Variants in FMNL2 observed in about 807,000 individuals in gnomAD.
FMNL2 encodes formin-like protein 2.
Under a neutral mutation model 130.2 loss-of-function variants are expected in FMNL2, and 51 were observed. The observed-to-expected ratio is 0.39, with a 90% CI of 0.31 to 0.49. The LOEUF (loss-of-function observed/expected upper bound fraction) is 0.49. Among genes scored for constraint, FMNL2 ranks in the 20% least tolerant of loss-of-function variants. The probability of loss-of-function intolerance (pLI) is 0.85; values close to 1 mark genes in which losing one functional copy is unlikely to be tolerated. For synonymous variants in FMNL2, 465 were observed against 467.1 expected, an observed-to-expected ratio of 1.00 and a Z score of 0.06; for missense variants, 977 against 1,316.2, an observed-to-expected ratio of 0.74 and a Z score of 3.99.
intron 1 of FMNL2, among the ~76,000 whole-genome samples, chr2:152,512,256 T>A (rs942277438): frequency 2.6e-5 from 4 of 152,348 alleles, no homozygotes; most frequent in Non-Finnish European, 4.4e-5. Context: ...AGACCTCTAA[T>A]GAAAATCAGA....
chr2:152,586,238 G>C (rs759851037), intron 9 of FMNL2, among the ~76,000 whole-genome samples: 1 of 152,194 alleles, frequency 6.6e-6, no homozygotes, highest in African/African-American at 2.4e-5. Flanking sequence ...TGTTGAATGA[G>C]TCACTCGAGG....
chr2:152,466,878 C>T (rs1689574686), intron 1 of FMNL2, among the ~76,000 whole-genome samples: 1 of 152,148 alleles, frequency 6.6e-6, no homozygotes. Context: ...TCATGTCTTT[C>T]TATGGATTTT....
At position 152,648,603 on chromosome 2, in the gene FMNL2, G is replaced by T. The variant is rs185045831; in HGVS notation, c.*698G>T. The T allele has an allele frequency of 1.3e-5, 2 of 152,550 alleles. No homozygotes were observed. The highest frequency in any genetic ancestry group is 2.9e-5 in the Non-Finnish European group (2 of 68,018). 9.4% of individuals were successfully genotyped at this position (152,550 alleles called of 1,614,324 possible). ...AGCTAGAGGCAGCTTTTTAAATAAT[G>T]CAAGTGTATTTATTAGCATTAAAAT... On this transcript the variant is annotated 3_prime_UTR_variant, in exon 26 of 26. Transcript: ENST00000288670.
intron 1 of FMNL2, among the ~76,000 whole-genome samples, chr2:152,384,107 T>G (rs1684650771): frequency 6.6e-6 from 1 of 152,218 alleles, no homozygotes; most frequent in African/African-American, 2.4e-5. Context: ...TGTATATTTA[T>G]CTTTTTAAGT....
At chr2:152,551,448 G>T (rs76723059) in intron 4 of FMNL2, among the ~76,000 whole-genome samples, 1 of 152,202 alleles carries the variant, frequency 6.6e-6, no homozygotes, top group Admixed American at 6.5e-5. Context: ...GAGATGCATT[G>T]TCTGATTATA....
At chr2:152,641,015 A>G (rs1045228183) in intron 25 of FMNL2, 101 bp downstream of exon 25, 1 of 1,492,232 alleles carries the variant, frequency 6.7e-7, no homozygotes, top group South Asian at 1.2e-5. Flanking sequence ...AGGGTTGTCA[A>G]GTTCATTAGT....
At chr2:152,523,308 A>G (rs1693206279) in intron 2 of FMNL2, among the ~76,000 whole-genome samples, 1 of 152,210 alleles carries the variant, frequency 6.6e-6, no homozygotes, top group African/African-American at 2.4e-5. Context: ...TAAGATGCTC[A>G]GAGACAGATT....
intron 9 of FMNL2, among the ~76,000 whole-genome samples, chr2:152,602,371 A>G (rs1466440079): frequency 1.3e-5 from 2 of 152,202 alleles, no homozygotes; most frequent in Non-Finnish European, 1.5e-5. Context: ...TCCAGGGCAT[A>G]TACTTTTATT....
intron 1 of FMNL2, among the ~76,000 whole-genome samples, chr2:152,396,134 T>C (rs1291243094): frequency 6.6e-6 from 1 of 152,138 alleles, no homozygotes; most frequent in African/African-American, 2.4e-5. Context: ...CCCACATCCC[T>C]CCCCCTCTCC....
intron 1 of FMNL2, among the ~76,000 whole-genome samples, chr2:152,377,650 T>C (rs1428105493): frequency 6.6e-6 from 1 of 152,198 alleles, no homozygotes; most frequent in Non-Finnish European, 1.5e-5. Context: ...CATTGTACAG[T>C]ACTGCTCTAT....
At chr2:152,588,443 G>GATCATACCTTTGCAGATATC (rs1362403516) in intron 9 of FMNL2, among the ~76,000 whole-genome samples, 1 of 152,034 alleles carries the variant, frequency 6.6e-6, no homozygotes, top group Non-Finnish European at 1.5e-5. Flanking sequence ...CCCTTAATTT[G>GATCATACCTTTGCAGATATC]ATCATACCTT....
intron 3 of FMNL2, among the ~76,000 whole-genome samples, chr2:152,544,418 AAAAT>A (rs573320410): frequency 7.6e-4 from 115 of 152,292 alleles, no homozygotes; most frequent in African/African-American, 2.6e-3. Flanking sequence ...CTCAAAAAGA[AAAAT>A]AAATAAATAA....
At chr2:152,565,445 C>T (rs1695783702) in intron 6 of FMNL2, among the ~76,000 whole-genome samples, 1 of 152,078 alleles carries the variant, frequency 6.6e-6, no homozygotes, top group Admixed American at 6.6e-5. Flanking sequence ...GGAACAGGTG[C>T]TTTGTGATGG....
At chr2:152,442,127 T>G (rs1179134471) in intron 1 of FMNL2, among the ~76,000 whole-genome samples, 1 of 152,062 alleles carries the variant, frequency 6.6e-6, no homozygotes, top group Non-Finnish European at 1.5e-5. Context: ...AGGGAGGAAA[T>G]GGACTAACAT....
chr2:152,394,817 C>T (rs946114566), intron 1 of FMNL2, among the ~76,000 whole-genome samples: 6 of 150,396 alleles, frequency 4.0e-5, no homozygotes, highest in African/African-American at 9.8e-5. Flanking sequence ...TGGACAAGAA[C>T]GATCTTTTAT....
chr2:152,618,702 G>T, intron 13 of FMNL2, 144 bp from the exon 14 acceptor site: 1 of 638,928 alleles, frequency 1.6e-6, no homozygotes, highest in Non-Finnish European at 2.6e-6. Context: ...TAATTAATGG[G>T]ACTTTATAGG....
At chr2:152,448,860 G>A (rs1688490993) in intron 1 of FMNL2, among the ~76,000 whole-genome samples, 1 of 152,180 alleles carries the variant, frequency 6.6e-6, no homozygotes, top group South Asian at 2.1e-4. Flanking sequence ...CGTGTGTCCG[G>A]ATTTCCTACA....
intron 1 of FMNL2, among the ~76,000 whole-genome samples, chr2:152,337,608 A>G (rs1174291521): frequency 5.9e-5 from 9 of 152,246 alleles, no homozygotes; most frequent in African/African-American, 2.2e-4. Context: ...ATGTCCCATC[A>G]TTAACATGGT....
chr2:152,523,974 G>A (rs1259332479), intron 2 of FMNL2, among the ~76,000 whole-genome samples: 2 of 152,190 alleles, frequency 1.3e-5, no homozygotes, highest in Non-Finnish European at 2.9e-5. Context: ...AAGGGAAAAA[G>A]CAGTTGAAAG....
Sources: gnomAD v4.1 joint callset for allele counts (sites outside exome capture counted in the v4.1 genomes callset) on GRCh38, gnomAD v4.1.1 for gene constraint, MANE v1.5 for transcripts, NCBI Gene and HGNC (gene_info 2026-07-23, HGNC 2026-07-21) for gene names.